Variants in CACNA2D3 observed in about 807,000 individuals in gnomAD.
CACNA2D3 encodes the protein calcium voltage-gated channel auxiliary subunit alpha2delta 3.
A neutral mutation model predicts 160.6 loss-of-function variants in CACNA2D3; 60 were observed. The observed-to-expected ratio is 0.37, with a 90% CI of 0.30 to 0.46. The LOEUF (loss-of-function observed/expected upper bound fraction) is 0.46. Ranked by LOEUF, CACNA2D3 falls within the 20% of genes least tolerant of loss-of-function variation. CACNA2D3 has a pLI of 1.00. For synonymous variants in CACNA2D3, 558 were observed against 492.9 expected (o/e 1.13, Z -1.75); for missense variants, 1,205 against 1,365.0 (o/e 0.88, Z 1.85).
chr3:54,630,241 A>G (rs1379047291), intron 10 of CACNA2D3, among the ~76,000 whole-genome samples: 1 of 151,784 alleles, frequency 6.6e-6, no homozygotes. Context: ...CTGAGAACCC[A>G]GGTCTCTAGA....
chr3:54,861,015 C>T (rs912839225), intron 17 of CACNA2D3, among the ~76,000 whole-genome samples: 1 of 152,190 alleles, frequency 6.6e-6, no homozygotes, highest in Non-Finnish European at 1.5e-5. Flanking sequence ...TCATTCGTCA[C>T]ATATTCATGG....
rs182930401 is a variant in CACNA2D3, at chr3:54,780,175, T to A, written c.1380+15824T>A. Among the ~76,000 whole-genome samples, 28 of 152,348 alleles carry A rather than the reference T, an allele frequency of 1.8e-4. No homozygotes were observed. The East Asian group carries it at 2.9e-3, about 16-fold the overall frequency. The stretch of plus-strand genomic sequence containing the variant: ...TGGTACTAAGAGAGAGTCTAAAATA[T>A]TGTCTCCAAAATGCATGTGTCATAT... On this transcript the variant is annotated intron_variant, in intron 13 of 37. Coordinates refer to ENST00000474759, the MANE Select transcript of CACNA2D3 (RefSeq NM_018398.3).
At chr3:54,952,880 G>A (rs953394939) in intron 27 of CACNA2D3, among the ~76,000 whole-genome samples, 2 of 152,176 alleles carry the variant, frequency 1.3e-5, no homozygotes, top group Non-Finnish European at 2.9e-5. Context: ...GTTCTGGGTG[G>A]TTGAGATGAC....
intron 3 of CACNA2D3, among the ~76,000 whole-genome samples, chr3:54,352,622 T>C (rs1489506524): frequency 1.3e-5 from 2 of 152,192 alleles, no homozygotes; most frequent in Non-Finnish European, 2.9e-5. Flanking sequence ...CAGGGAGCAG[T>C]AGAGCCCATG....
chr3:55,052,448 C>CTG (rs553476560), intron 35 of CACNA2D3, among the ~76,000 whole-genome samples: 9 of 122,302 alleles, frequency 7.4e-5, no homozygotes, highest in East Asian at 6.7e-4. Context: ...ATGTATATAC[C>CTG]TGTGTGTGTA....
chr3:54,443,733 C>G (rs970483332), intron 4 of CACNA2D3, among the ~76,000 whole-genome samples: 80 of 152,302 alleles, frequency 5.3e-4, no homozygotes, highest in African/African-American at 1.8e-3. Context: ...TCACATTCGT[C>G]TCTTGCCATG....
chr3:54,918,890 C>G, intron 27 of CACNA2D3: 1 of 1,522,604 alleles, frequency 6.6e-7, no homozygotes, highest in Non-Finnish European at 8.8e-7. Flanking sequence ...TCTGTTAGTC[C>G]CCCTTTAAAA....
At chr3:54,501,675 T>C (rs188377438) in intron 4 of CACNA2D3, among the ~76,000 whole-genome samples, 1 of 152,192 alleles carries the variant, frequency 6.6e-6, no homozygotes, top group Non-Finnish European at 1.5e-5. Context: ...CTGCCTTGGT[T>C]TCCCAAAGTT....
At chr3:54,906,541 C>T (rs577552017) in intron 27 of CACNA2D3, among the ~76,000 whole-genome samples, 1 of 152,168 alleles carries the variant, frequency 6.6e-6, no homozygotes, top group Non-Finnish European at 1.5e-5. Flanking sequence ...CCTCCAGTAA[C>T]CTGCAATGAG....
intron 34 of CACNA2D3, among the ~76,000 whole-genome samples, chr3:55,013,906 G>C (rs1032902328): frequency 1.6e-4 from 25 of 152,220 alleles, no homozygotes; most frequent in African/African-American, 5.3e-4. Flanking sequence ...TTGTTGCTAA[G>C]GGAAAATTAA....
intron 3 of CACNA2D3, among the ~76,000 whole-genome samples, chr3:54,333,538 G>C (rs1704313472): frequency 6.6e-6 from 1 of 151,848 alleles, no homozygotes; most frequent in Admixed American, 6.6e-5. Context: ...CTCCTTTGTT[G>C]CCTGTTCCTC....
intron 5 of CACNA2D3, among the ~76,000 whole-genome samples, chr3:54,546,310 T>C (rs944742824): frequency 7.9e-5 from 12 of 152,188 alleles, no homozygotes; most frequent in African/African-American, 2.9e-4. Flanking sequence ...TTGTAGTTCC[T>C]TGGGCTAATA....
intron 4 of CACNA2D3, among the ~76,000 whole-genome samples, chr3:54,433,941 G>A (rs976274303): frequency 2.6e-5 from 4 of 152,210 alleles, no homozygotes; most frequent in African/African-American, 9.7e-5. Context: ...ACTAGCAGAA[G>A]CAAGCAGCAT....
At chr3:54,612,375 A>G (rs1303867148) in intron 9 of CACNA2D3, among the ~76,000 whole-genome samples, 2 of 152,064 alleles carry the variant, frequency 1.3e-5, no homozygotes, top group African/African-American at 4.8e-5. Flanking sequence ...ACTCATAATC[A>G]TAGTCTACCT....
intron 3 of CACNA2D3, among the ~76,000 whole-genome samples, chr3:54,350,977 T>TTTTG (rs1559457776): frequency 8.7e-5 from 4 of 45,964 alleles, no homozygotes; most frequent in Non-Finnish European, 1.8e-4. Flanking sequence ...TGTTTTTTTT[T>TTTTG]TTTTGTTTGT....
In CACNA2D3 at chr3:54,313,261, C is replaced by G. The variant is rs181708247; in HGVS notation, c.205-7181C>G. ...GCCCAAAGTGTTGCTGTGTCTGGCC[C>G]CTAGAACCCTTGATGTCTCTCCAGG... On this transcript the variant is annotated intron_variant, in intron 2 of 37. Coordinates refer to ENST00000474759, the MANE Select transcript of CACNA2D3 (RefSeq NM_018398.3). Among the ~76,000 whole-genome samples the G allele has an allele frequency of 5.3e-4, 81 of 152,182 alleles. 1 individual carries two copies. Among genetic ancestry groups the G allele is most frequent in the African/African-American group, 1.9e-3 (79 of 41,514 alleles).
intron 4 of CACNA2D3, among the ~76,000 whole-genome samples, chr3:54,420,835 G>A (rs1261490988): frequency 6.6e-6 from 1 of 152,160 alleles, no homozygotes; most frequent in Admixed American, 6.5e-5. Flanking sequence ...GTGACCAGTG[G>A]GTAAACGTTA....
chr3:54,842,758 G>C (rs1698845124), intron 16 of CACNA2D3, among the ~76,000 whole-genome samples: 1 of 151,600 alleles, frequency 6.6e-6, no homozygotes, highest in African/African-American at 2.4e-5. Context: ...CCACCATCGT[G>C]CCTGGCTGGT....
intron 17 of CACNA2D3, among the ~76,000 whole-genome samples, chr3:54,871,223 A>ACACC (rs1553897938): frequency 2.4e-4 from 34 of 143,966 alleles, no homozygotes; most frequent in Admixed American, 4.1e-4. Context: ...ACACACACAC[A>ACACC]CCCCCCATTC....
Sources: allele counts gnomAD v4.1 joint callset (sites outside exome capture counted in the v4.1 genomes callset), GRCh38; gene constraint gnomAD v4.1.1; transcripts MANE v1.5; gene names NCBI Gene and HGNC (gene_info 2026-07-23, HGNC 2026-07-21).